Variants in COBLL1 observed in about 807,000 individuals in gnomAD.
COBLL1 encodes the protein cordon-bleu protein-like 1.
In COBLL1, 50 loss-of-function variants were observed where a neutral mutation model predicts 94.8. The observed-to-expected ratio is 0.53, with a 90% CI of 0.42 to 0.67. The LOEUF is 0.67. Among genes scored for constraint, COBLL1 ranks in the 30% least tolerant of loss-of-function variants. COBLL1 has a pLI of 0.00. For missense variants in COBLL1, 1,362 were observed against 1,348.7 expected (o/e 1.01, Z -0.15); for synonymous variants, 448 against 473.8 (o/e 0.95, Z 0.71).
intron 2 of COBLL1, among the ~76,000 whole-genome samples, chr2:164,769,795 C>G (rs140046172): frequency 3.5e-4 from 53 of 152,182 alleles, no homozygotes; most frequent in African/African-American, 7.9e-4. Flanking sequence ...ATATACCCCC[C>G]CCAGAGCAAG....
chr2:164,766,052 G>T (rs1558994084), intron 2 of COBLL1, among the ~76,000 whole-genome samples: 1 of 152,050 alleles, frequency 6.6e-6, no homozygotes, highest in Non-Finnish European at 1.5e-5. Context: ...CATGCAATAT[G>T]TGTTCTCCTG....
intron 2 of COBLL1, among the ~76,000 whole-genome samples, chr2:164,787,996 A>C (rs545720114): frequency 6.6e-6 from 1 of 152,262 alleles, no homozygotes; most frequent in Non-Finnish European, 1.5e-5. Flanking sequence ...TGTAACAGAC[A>C]CTTGTCAGAT....
intron 1 of COBLL1, among the ~76,000 whole-genome samples, chr2:164,668,217 G>C (rs1691195096): frequency 2.0e-5 from 3 of 152,136 alleles, no homozygotes; most frequent in South Asian, 4.1e-4. Context: ...ACCCGCCTTG[G>C]CCTCCCAAAG....
intron 1 of COBLL1, among the ~76,000 whole-genome samples, chr2:164,666,167 G>C (rs900242514): frequency 2.0e-4 from 31 of 152,168 alleles, no homozygotes; most frequent in Middle Eastern, 3.4e-3. Context: ...TAAACATGAA[G>C]TATAGTTATA....
chr2:164,793,396 T>C (rs1394706166), intron 2 of COBLL1, among the ~76,000 whole-genome samples: 2 of 152,074 alleles, frequency 1.3e-5, no homozygotes, highest in Non-Finnish European at 2.9e-5. Flanking sequence ...AAACTGAACC[T>C]TTTACACAAA....
downstream of COBLL1, among the ~76,000 whole-genome samples, chr2:164,679,402 G>GT (rs1043872537): frequency 2.0e-5 from 3 of 151,940 alleles, no homozygotes; most frequent in African/African-American, 7.3e-5. Context: ...GATTAGAAAC[G>GT]TAATTTATGA....
intron 2 of COBLL1, among the ~76,000 whole-genome samples, chr2:164,791,062 C>A (rs1275304576): frequency 6.6e-6 from 1 of 152,044 alleles, no homozygotes; most frequent in African/African-American, 2.4e-5. Flanking sequence ...ATACATATAA[C>A]AATGTATTCT....
intron 2 of COBLL1, among the ~76,000 whole-genome samples, chr2:164,830,262 C>G (rs981165439): frequency 6.6e-6 from 1 of 152,182 alleles, no homozygotes; most frequent in Non-Finnish European, 1.5e-5. Flanking sequence ...GAAAGTCGGT[C>G]TCTACCTTAC....
In COBLL1 at chr2:164,700,763, A is replaced by G. The variant is rs758312825; in HGVS notation, c.1226-7T>C. The G allele has an allele frequency of 3.3e-6, 5 of 1,502,588 alleles. No homozygotes were observed. In the South Asian group the frequency reaches 5.7e-5, roughly 17 times the overall value. 93.1% of individuals were successfully genotyped at this position (1,502,588 alleles called of 1,614,324 possible). ...TAATCAGAGCTTATTCCAGCTACAA[A>G]GAAATGCAGATATAATCCTAAATAT... On this transcript the variant is annotated splice_region_variant and splice_polypyrimidine_tract_variant and intron_variant, in intron 9 of 13. Transcript: ENST00000652658.
intron 3 of COBLL1, among the ~76,000 whole-genome samples, chr2:164,742,016 C>A (rs1190507763): frequency 6.6e-6 from 1 of 151,992 alleles, no homozygotes; most frequent in Admixed American, 6.6e-5. Flanking sequence ...TGAGATTCCA[C>A]CATTCTCTGG....
intron 2 of COBLL1, among the ~76,000 whole-genome samples, chr2:164,821,608 G>A (rs535103027): frequency 6.6e-6 from 1 of 152,210 alleles, no homozygotes; most frequent in Admixed American, 6.5e-5. Context: ...TCAGAGACAA[G>A]GCCTTTTCAT....
At chr2:164,736,783 T>C (rs1558967244) in intron 3 of COBLL1, among the ~76,000 whole-genome samples, 1 of 152,080 alleles carries the variant, frequency 6.6e-6, no homozygotes, top group Non-Finnish European at 1.5e-5. Flanking sequence ...AGGTTACAAA[T>C]AGCACGTACA....
downstream of COBLL1, among the ~76,000 whole-genome samples, chr2:164,678,635 T>C (rs114600699): frequency 7.8e-3 from 1,186 of 152,198 alleles, 8 homozygotes; most frequent in Admixed American, 0.014. Flanking sequence ...ATTAAGACAA[T>C]TTAAATAAAC....
intron 5 of COBLL1, chr2:164,727,013 T>A (rs1214138434): frequency 1.7e-6 from 1 of 576,524 alleles, no homozygotes; most frequent in Non-Finnish European, 3.0e-6. Context: ...AATGAACACG[T>A]TAGTGATGTT....
chr2:164,662,576 T>G (rs1691087697), intron 2 of COBLL1, among the ~76,000 whole-genome samples: 1 of 152,190 alleles, frequency 6.6e-6, no homozygotes, highest in Admixed American at 6.5e-5. Flanking sequence ...CCAAATCTCA[T>G]GTTGAAATGT....
intron 2 of COBLL1, among the ~76,000 whole-genome samples, chr2:164,816,080 G>A (rs1367763670): frequency 6.6e-6 from 1 of 152,024 alleles, no homozygotes; most frequent in East Asian, 1.9e-4. Context: ...AAGACAGAAG[G>A]TAATATATAC....
chr2:164,728,531 A>G (rs1178150773), intron 4 of COBLL1, among the ~76,000 whole-genome samples: 1 of 152,086 alleles, frequency 6.6e-6, no homozygotes, highest in Non-Finnish European at 1.5e-5. Flanking sequence ...TAGCAAATAT[A>G]CATAGTACAA....
chr2:164,680,919 A>T lies in COBLL1; in HGVS notation c.*5027T>A, dbSNP rs985883691. ...CTAGGTCTGAAGACAAAATGAGAGA[A>T]AACTATAGAGAAAGGGAGAGAATAT... On this transcript the variant is annotated 3_prime_UTR_variant, in exon 14 of 14. Transcript: ENST00000652658. The T allele has an allele frequency of 2.0e-5, 3 of 152,120 alleles. No individual in the cohort carries two copies. Among genetic ancestry groups the T allele is most frequent in the Non-Finnish European group, 2.9e-5 (2 of 68,024 alleles). The allele number at this position is 152,120 out of a possible 1,614,324, so 9.4% of individuals were successfully genotyped here. A position where few individuals can be genotyped will look rare whatever the true frequency, so the allele number is the denominator to read the frequency against.
intron 2 of COBLL1, among the ~76,000 whole-genome samples, chr2:164,813,522 C>T (rs1237321263): frequency 1.3e-5 from 2 of 152,114 alleles, no homozygotes; most frequent in African/African-American, 2.4e-5. Context: ...GGTTATTTCT[C>T]CACCTGGCTG....
Sources: allele counts gnomAD v4.1 joint callset (sites outside exome capture counted in the v4.1 genomes callset), GRCh38; gene constraint gnomAD v4.1.1; transcripts MANE v1.5; gene names NCBI Gene and HGNC (gene_info 2026-07-23, HGNC 2026-07-21).